LGSN: variants seen among roughly 807,000 people sequenced by gnomAD.
The protein encoded by LGSN is lengsin, lens protein with glutamine synthetase domain, also known as lengsin.
In LGSN, 21 loss-of-function variants were observed where a neutral mutation model predicts 19.5. The observed-to-expected ratio is 1.07, with a 90% CI of 0.76 to 1.55. The LOEUF is 1.55. LGSN is among the 40% of genes most tolerant of loss of function. LGSN has a pLI of 0.00. For synonymous variants in LGSN, 257 were observed against 215.6 expected (o/e 1.19, Z -1.68); for missense variants, 673 against 608.5 (o/e 1.11, Z -1.12).
the LGSN span, among the ~76,000 whole-genome samples, chr6:63,419,012 G>A: frequency 6.6e-6 from 1 of 152,152 alleles, no homozygotes; most frequent in Middle Eastern, 3.2e-3. Flanking sequence ...CCAGCAGAGT[G>A]TCAGGGCTTT....
chr6:63,433,746 C>G, the LGSN span, among the ~76,000 whole-genome samples: 1 of 152,144 alleles, frequency 6.6e-6, no homozygotes, highest in Admixed American at 6.6e-5. Flanking sequence ...GCATATAGGC[C>G]ATGAGTATTC....
At chr6:63,300,054 G>A (rs117358336) in intron 1 of LGSN, among the ~76,000 whole-genome samples, 3 of 152,154 alleles carry the variant, frequency 2.0e-5, no homozygotes, top group Non-Finnish European at 4.4e-5. Flanking sequence ...CTGGAGAGGT[G>A]GTCATGGTGA....
the LGSN span, among the ~76,000 whole-genome samples, chr6:63,443,914 CA>C: frequency 1.2e-3 from 171 of 140,972 alleles, no homozygotes; most frequent in Middle Eastern, 7.4e-3. Context: ...CAGCTGTCAC[CA>C]AAAAAAAAAA....
chr6:63,412,464 A>AAGAAGGAAAG, the LGSN span, among the ~76,000 whole-genome samples: 597 of 128,640 alleles, frequency 4.6e-3, 11 homozygotes, highest in African/African-American at 0.015. Flanking sequence ...GAAAGAAAGA[A>AAGAAGGAAAG]AAAGAGAGAG....
At chr6:63,549,453 C>T in the LGSN span, 61 of 795,252 alleles carry the variant, frequency 7.7e-5, no homozygotes, top group Admixed American at 1.8e-4. Context: ...CCTGCTTCTT[C>T]ACGACAGCAG....
the LGSN span, among the ~76,000 whole-genome samples, chr6:63,329,043 A>T: frequency 6.6e-6 from 1 of 152,200 alleles, no homozygotes; most frequent in Non-Finnish European, 1.5e-5. Context: ...TGGGCCTTCG[A>T]CCTAGACAAC....
chr6:63,460,753 G>A, the LGSN span, among the ~76,000 whole-genome samples: 1 of 152,120 alleles, frequency 6.6e-6, no homozygotes, highest in Non-Finnish European at 1.5e-5. Flanking sequence ...GTCCCAGCAT[G>A]CCCGGTGGAA....
At chr6:63,453,030 T>C in the LGSN span, among the ~76,000 whole-genome samples, 6 of 152,186 alleles carry the variant, frequency 3.9e-5, no homozygotes, top group Non-Finnish European at 1.5e-5. Flanking sequence ...ATTTTAACTA[T>C]GGTATCTTCT....
At chr6:63,507,052 C>G in the LGSN span, among the ~76,000 whole-genome samples, 1 of 152,158 alleles carries the variant, frequency 6.6e-6, no homozygotes, top group Non-Finnish European at 1.5e-5. Flanking sequence ...CCACCTTCCC[C>G]AGGGTCCCCA....
the LGSN span, among the ~76,000 whole-genome samples, chr6:63,489,526 T>A: frequency 6.6e-6 from 1 of 152,002 alleles, no homozygotes; most frequent in Non-Finnish European, 1.5e-5. Context: ...GCACCACCAC[T>A]ACCTGGCTAA....
At chr6:63,322,791 A>T (rs1357360041), upstream of LGSN, among the ~76,000 whole-genome samples, 1 of 152,190 alleles carries the variant, frequency 6.6e-6, no homozygotes, top group African/African-American at 2.4e-5. Flanking sequence ...ACCGATGATT[A>T]AAAAATATTG....
At chr6:63,521,144 A>G in the LGSN span, among the ~76,000 whole-genome samples, 8 of 152,166 alleles carry the variant, frequency 5.3e-5, no homozygotes, top group Non-Finnish European at 1.2e-4. Context: ...AGGGGTTGAT[A>G]GGTGCAACAA....
At chr6:63,517,513 T>C in the LGSN span, among the ~76,000 whole-genome samples, 1 of 152,066 alleles carries the variant, frequency 6.6e-6, no homozygotes, top group Non-Finnish European at 1.5e-5. Context: ...TGGTGAAAGA[T>C]CTCCTGATGA....
chr6:63,551,540 A>AT, the LGSN span, among the ~76,000 whole-genome samples: 6 of 151,822 alleles, frequency 4.0e-5, no homozygotes, highest in Non-Finnish European at 8.8e-5. Flanking sequence ...TATTAAGTTC[A>AT]TTTTTTTTAA....
chr6:63,334,141 G>T, the LGSN span, among the ~76,000 whole-genome samples: 1 of 152,154 alleles, frequency 6.6e-6, no homozygotes, highest in Non-Finnish European at 1.5e-5. Flanking sequence ...TCAAAAGAAA[G>T]AAATAAAAGG....
the LGSN span, among the ~76,000 whole-genome samples, chr6:63,529,163 G>GTA: frequency 3.3e-4 from 45 of 137,522 alleles, 1 homozygote; most frequent in East Asian, 1.7e-3. Flanking sequence ...ATATATGTGT[G>GTA]TATATATATA....
chr6:63,424,989 A>T, the LGSN span, among the ~76,000 whole-genome samples: 1 of 152,162 alleles, frequency 6.6e-6, no homozygotes, highest in African/African-American at 2.4e-5. Context: ...AAGACATAAG[A>T]CATTCTACTG....
At chr6:63,318,151 A>G (rs1003891003) in intron 1 of LGSN, among the ~76,000 whole-genome samples, 3 of 152,322 alleles carry the variant, frequency 2.0e-5, no homozygotes, top group East Asian at 1.9e-4. Flanking sequence ...TCTTTAGGGG[A>G]GTACCAAACC....
the LGSN span, among the ~76,000 whole-genome samples, chr6:63,565,388 G>A: frequency 6.6e-6 from 1 of 151,872 alleles, no homozygotes; most frequent in Non-Finnish European, 1.5e-5. Flanking sequence ...CATGAAAAAG[G>A]GACAGAGAAT....
Sources: gnomAD v4.1 joint callset for allele counts (sites outside exome capture counted in the v4.1 genomes callset) on GRCh38, gnomAD v4.1.1 for gene constraint, MANE v1.5 for transcripts, NCBI Gene and HGNC (gene_info 2026-07-23, HGNC 2026-07-21) for gene names.